The following RNF212 variants were observed in gnomAD, a reference collection of about 807,000 sequenced individuals.
RNF212 encodes ring finger protein 212.
A neutral mutation model predicts 34.7 loss-of-function variants in RNF212; 33 were observed. The ratio of observed to expected loss-of-function variants is 0.95; its 90% CI spans 0.72 to 1.27. The LOEUF is 1.27. Ranked by LOEUF, RNF212 falls within the 50% of genes most tolerant of loss-of-function variation. The pLI, the probability that RNF212 is intolerant of heterozygous loss-of-function variation, is 0.00. For missense variants in RNF212, 377 were observed against 362.2 expected, an observed-to-expected ratio of 1.04 and a Z score of -0.33; for synonymous variants, 140 against 136.1, an observed-to-expected ratio of 1.03 and a Z score of -0.20.
At chr4:1,106,487 A>G (rs1724855652) in intron 2 of RNF212, among the ~76,000 whole-genome samples, 1 of 152,246 alleles carries the variant, frequency 6.6e-6, no homozygotes, top group South Asian at 2.1e-4. Context: ...CTTAGAAACT[A>G]AAGCATATCC....
intron 8 of RNF212, among the ~76,000 whole-genome samples, chr4:1,079,373 T>C (rs1170374913): frequency 6.6e-6 from 1 of 152,246 alleles, no homozygotes; most frequent in Non-Finnish European, 1.5e-5. Context: ...AGAACCTGCA[T>C]GGGACCCTGC....
chr4:1,058,410 A>G, intron 3 of RNF212: 1 of 963,680 alleles, frequency 1.0e-6, no homozygotes, highest in Non-Finnish European at 1.2e-6. Context: ...TGGAACAAGA[A>G]TAAAACATGA....
chr4:1,081,130 G>A (rs1027912574), intron 7 of RNF212, among the ~76,000 whole-genome samples: 9 of 152,374 alleles, frequency 5.9e-5, no homozygotes, highest in Admixed American at 6.5e-5. Flanking sequence ...GCACTGGAAC[G>A]CCAGTTGAGC....
chr4:1,100,059 A>C (rs1407560765), intron 2 of RNF212: 1 of 362,918 alleles, frequency 2.8e-6, no homozygotes, highest in Non-Finnish European at 5.5e-6. Context: ...TGGCTACAGC[A>C]CGATACTGTC....
intron 2 of RNF212, among the ~76,000 whole-genome samples, chr4:1,099,504 G>A (rs564142204): frequency 4.1e-4 from 63 of 152,290 alleles, no homozygotes; most frequent in Admixed American, 1.1e-3. Flanking sequence ...CAGGAGCGGG[G>A]CGGGGAAGGC....
At chr4:1,056,550 TG>T (rs1283953533) in intron 4 of RNF212, 2 of 932,998 alleles carry the variant, frequency 2.1e-6, no homozygotes, top group African/African-American at 1.8e-5. Context: ...AAAAATAAGG[TG>T]GGGAGAAGAG....
At chr4:1,071,317 G>C (rs1361990400), downstream of RNF212, among the ~76,000 whole-genome samples, 9 of 151,716 alleles carry the variant, frequency 5.9e-5, no homozygotes, top group Admixed American at 5.9e-4. Flanking sequence ...CTGTGTGCTT[G>C]AAGTATTTTC....
intron 8 of RNF212, 100 bp downstream of exon 8, chr4:1,079,543 T>C (rs1294638045): frequency 1.1e-5 from 9 of 839,512 alleles, no homozygotes; most frequent in Non-Finnish European, 1.0e-5. Flanking sequence ...GCAAAGTCTG[T>C]CTACTGTTGC....
intron 2 of RNF212, among the ~76,000 whole-genome samples, chr4:1,097,206 T>C (rs1723196140): frequency 6.6e-6 from 1 of 152,224 alleles, no homozygotes; most frequent in Admixed American, 6.5e-5. Context: ...AGAAGGATGA[T>C]CTAGGCTGAC....
Position 1,057,633 on chromosome 4 carries a change from T to C in RNF212, n.220+688A>G, listed in dbSNP as rs942282769. Among the ~76,000 whole-genome samples the C allele has an allele frequency of 2.0e-5, 3 of 152,256 alleles. No homozygotes were observed. In the East Asian group the frequency reaches 5.8e-4, roughly 29 times the overall value. On this transcript the variant is annotated intron_variant and non_coding_transcript_variant, in intron 4 of 4. Transcript: ENST00000503206. ...GCAGCTGCCCCAAAAACCAAACATA[T>C]TTACTACCTGCCCTTTATAGAAGAC...
intron 2 of RNF212, chr4:1,099,696 G>T (rs150266301): frequency 2.2e-6 from 1 of 456,168 alleles, no homozygotes; most frequent in African/African-American, 2.0e-5. Flanking sequence ...CAGTAACGAG[G>T]ATACATAGTT....
At chr4:1,097,733 G>A (rs761287097) in intron 2 of RNF212, among the ~76,000 whole-genome samples, 32 of 152,260 alleles carry the variant, frequency 2.1e-4, no homozygotes, top group East Asian at 3.9e-4. Flanking sequence ...AACACTAGGC[G>A]ACAGCTGTCC....
intron 3 of RNF212, among the ~76,000 whole-genome samples, chr4:1,092,913 C>T (rs1455917486): frequency 6.6e-6 from 1 of 152,264 alleles, no homozygotes; most frequent in Non-Finnish European, 1.5e-5. Flanking sequence ...TCTCACTCTT[C>T]GGTTCAATAC....
downstream of RNF212, among the ~76,000 whole-genome samples, chr4:1,069,350 A>G (rs372123253): frequency 1.3e-5 from 2 of 152,230 alleles, no homozygotes; most frequent in African/African-American, 2.4e-5. Flanking sequence ...AAATGGAAAA[A>G]CTGCTATGAG....
At chr4:1,073,698 C>T (rs763004686) in intron 8 of RNF212, 36 bp from the exon 9 acceptor site, 1 of 1,473,608 alleles carries the variant, frequency 6.8e-7, no homozygotes, top group Non-Finnish European at 9.5e-7. Context: ...GGTAAAATTC[C>T]AATATTGCGG....
rs556090389 is a variant in RNF212, at chr4:1,073,218, G to A, written c.575-25C>T. ...CCTGCGGGAAGATGCAGGAGACAGC[G>A]TGTGGGGAGATGGCCTGTGTGGGCT... On this transcript the variant is annotated intron_variant, in intron 9 of 9. Coordinates refer to ENST00000433731, the MANE Select transcript of RNF212 (RefSeq NM_001131034.4). 327 of 1,608,822 alleles carry A rather than the reference G, an allele frequency of 2.0e-4. 2 individuals carry two copies. The South Asian group carries it at 3.1e-3, about 15-fold the overall frequency.
At chr4:1,099,370 C>G (rs1723564393) in intron 2 of RNF212, among the ~76,000 whole-genome samples, 1 of 152,132 alleles carries the variant, frequency 6.6e-6, no homozygotes, top group East Asian at 1.9e-4. Context: ...GATAGAAGCA[C>G]AGAGATTCGG....
chr4:1,083,045 C>A (rs1476732825), intron 5 of RNF212, among the ~76,000 whole-genome samples: 1 of 152,208 alleles, frequency 6.6e-6, no homozygotes, highest in Non-Finnish European at 1.5e-5. Flanking sequence ...GGCGGGTCAG[C>A]TGGGCTGGCA....
intron 5 of RNF212, chr4:1,085,575 A>C (rs1029877915): frequency 5.2e-5 from 22 of 419,936 alleles, no homozygotes; most frequent in African/African-American, 1.2e-4. Context: ...CTGCAGGGCC[A>C]CCCCACCTGT....
Sources: allele counts gnomAD v4.1 joint callset (sites outside exome capture counted in the v4.1 genomes callset), GRCh38; gene constraint gnomAD v4.1.1; transcripts MANE v1.5; gene names NCBI Gene and HGNC (gene_info 2026-07-23, HGNC 2026-07-21).